MAP4K3: variants seen among roughly 807,000 people sequenced by gnomAD.
MAP4K3 encodes the protein mitogen-activated protein kinase kinase kinase kinase 3, also known as MAPK/ERK kinase kinase kinase 3.
Under a neutral mutation model 143.5 loss-of-function variants are expected in MAP4K3, and 94 were observed. The ratio of observed to expected loss-of-function variants is 0.65; its 90% confidence interval spans 0.55 to 0.78. The LOEUF (loss-of-function observed/expected upper bound fraction) is 0.78, where lower values mean the gene tolerates loss of function less well. Ranked by LOEUF, MAP4K3 falls within the 30% of genes least tolerant of loss-of-function variation. MAP4K3 has a pLI of 0.00. For missense variants in MAP4K3, 1,077 were observed against 1,068.1 expected, an observed-to-expected ratio of 1.01 and a Z score of -0.12; for synonymous variants, 416 against 347.2, an observed-to-expected ratio of 1.20 and a Z score of -2.20.
At chr2:39,420,465 G>A (rs147509498) in intron 1 of MAP4K3, among the ~76,000 whole-genome samples, 9 of 152,074 alleles carry the variant, frequency 5.9e-5, no homozygotes, top group Admixed American at 5.9e-4. Context: ...TGCCTAGGCT[G>A]GAGTGCAGTA....
intron 19 of MAP4K3, among the ~76,000 whole-genome samples, 173 bp downstream of exon 19, chr2:39,290,119 A>ATCAACTTCATGATT (rs1681977595): frequency 6.6e-6 from 1 of 150,766 alleles, no homozygotes; most frequent in Non-Finnish European, 1.5e-5. Flanking sequence ...AACACTAAAT[A>ATCAACTTCATGATT]TAAGTTGGGC....
intron 15 of MAP4K3, among the ~76,000 whole-genome samples, chr2:39,307,226 C>T (rs1682742993): frequency 6.6e-6 from 1 of 152,044 alleles, no homozygotes; most frequent in African/African-American, 2.4e-5. Flanking sequence ...GGGCTCTCGC[C>T]AACCACAGTA....
At chr2:39,366,451 C>T (rs78997770) in intron 2 of MAP4K3, among the ~76,000 whole-genome samples, 109 of 152,262 alleles carry the variant, frequency 7.2e-4, no homozygotes, top group Non-Finnish European at 1.4e-3. Context: ...TCTCTTCAGA[C>T]GTAAATGTTT....
At chr2:39,337,143 T>G (rs952326125) in intron 5 of MAP4K3, among the ~76,000 whole-genome samples, 176 bp from the exon 6 acceptor site, 6 of 152,172 alleles carry the variant, frequency 3.9e-5, no homozygotes, top group Non-Finnish European at 7.4e-5. Context: ...AGAAAATGAC[T>G]AATTTTTCTA....
chr2:39,313,088 T>G (rs1025279908), intron 13 of MAP4K3, among the ~76,000 whole-genome samples: 1 of 152,230 alleles, frequency 6.6e-6, no homozygotes, highest in African/African-American at 2.4e-5. Flanking sequence ...GGTATCACTC[T>G]TCTGCTCTCT....
chr2:39,400,775 G>A (rs1394568106), intron 1 of MAP4K3, among the ~76,000 whole-genome samples: 1 of 151,940 alleles, frequency 6.6e-6, no homozygotes, highest in Non-Finnish European at 1.5e-5. Flanking sequence ...TAACTAATGA[G>A]TAATACAGTA....
At chr2:39,340,438 T>G (rs1247854503) in intron 4 of MAP4K3, among the ~76,000 whole-genome samples, 1 of 152,226 alleles carries the variant, frequency 6.6e-6, no homozygotes, top group Non-Finnish European at 1.5e-5. Context: ...CCAGGGTACC[T>G]GAAAACTGCC....
At chr2:39,354,995 A>T (rs1426612539) in intron 3 of MAP4K3, among the ~76,000 whole-genome samples, 1 of 151,968 alleles carries the variant, frequency 6.6e-6, no homozygotes, top group African/African-American at 2.4e-5. Context: ...CTGTAATTTC[A>T]GCATTTTGGA....
At chr2:39,259,150 G>A (rs1032027921) in intron 29 of MAP4K3, among the ~76,000 whole-genome samples, 1 of 151,474 alleles carries the variant, frequency 6.6e-6, no homozygotes, top group East Asian at 1.9e-4. Flanking sequence ...ATGCCACCAT[G>A]TCTGGCTAAT....
intron 5 of MAP4K3, 80 bp downstream of exon 5, chr2:39,337,446 C>G: frequency 1.0e-6 from 1 of 976,114 alleles, no homozygotes; most frequent in Non-Finnish European, 1.6e-6. Context: ...TTAGTTCTTA[C>G]TTTGCTGAAC....
At chr2:39,360,387 A>C (rs891302687) in intron 2 of MAP4K3, among the ~76,000 whole-genome samples, 9 of 152,198 alleles carry the variant, frequency 5.9e-5, no homozygotes, top group Non-Finnish European at 1.0e-4. Flanking sequence ...ATGTTCCCAC[A>C]TCTTTCTGTC....
chr2:39,251,957 A>G lies in MAP4K3; in HGVS notation c.2542-72T>C. ...AATTTTTAATGGGCACTTCATTATA[A>G]TTCAACAGAAAAGAAACATGATCGC... On this transcript the variant is annotated intron_variant, in intron 32 of 33. Transcript: ENST00000263881. 7 of 953,532 alleles carry G rather than the reference A, an allele frequency of 7.3e-6. No individual in the cohort carries two copies. In the South Asian group the frequency reaches 9.5e-5, roughly 13 times the overall value. The allele number at this position is 953,532 out of a possible 1,614,324, so 59.1% of individuals were successfully genotyped here.
At chr2:39,257,896 A>C (rs903944962) in intron 31 of MAP4K3, among the ~76,000 whole-genome samples, 12 of 152,226 alleles carry the variant, frequency 7.9e-5, no homozygotes, top group African/African-American at 2.9e-4. Flanking sequence ...TGTAAGAATG[A>C]AGGCTGATAG....
rs1223491609 is a variant in MAP4K3 at position 39,292,793 on chromosome 2, T to G, written c.1251A>C (p.Gly417=). 1 of 1,613,354 alleles carries G rather than the reference T, an allele frequency of 6.2e-7. No homozygotes were observed. ...CTTACTGTTTAGATTCATCATCATC[T>G]CCTTCATCATCTTCTAAATGTGCGA... ...GHVAHLEDDE[G]DDDESKHSTL... is the part of the protein sequence containing the mutation. Residue 417 remains glycine, a synonymous_variant, in exon 18 of 34, where the codon GGA becomes GGC. Transcript: ENST00000263881.
At chr2:39,343,215 CAA>C (rs1430140339) in intron 4 of MAP4K3, among the ~76,000 whole-genome samples, 171 bp downstream of exon 4, 1 of 152,108 alleles carries the variant, frequency 6.6e-6, no homozygotes, top group East Asian at 1.9e-4. Flanking sequence ...AATTAAAAAG[CAA>C]AGACTCCTCC....
intron 3 of MAP4K3, 47 bp downstream of exon 3, chr2:39,356,202 G>T: frequency 9.2e-7 from 1 of 1,087,002 alleles, no homozygotes; most frequent in Non-Finnish European, 1.4e-6. Context: ...TAATGCATTA[G>T]GTGATGAAAT....
rs570592038 is a variant in MAP4K3, at chr2:39,258,522, C to G, written c.2374G>C (p.Asp792His). ...LERDTILVCL[D>H]CCIKIVNLQG... ...ACATTCATAAATAAAAACTTACAGTCCAAGCATACAAGGATGGTATCTCTC... is the reference window on the plus strand; with the variant it reads ...ACATTCATAAATAAAAACTTACAGTGCAAGCATACAAGGATGGTATCTCTC... The change falls in exon 30 of 34, where the codon GAC becomes CAC. Residue 792 changes from aspartate (D) to histidine (H), a missense_variant. This residue lies in a region of MAP4K3 where 864 missense variants were observed against 801.2 expected (regional missense o/e 1.08). Coordinates refer to ENST00000263881, the MANE Select transcript of MAP4K3 (RefSeq NM_003618.4). 1.2e-6 allele frequency: 2 copies of G among 1,612,920 alleles called. No homozygotes were observed. The highest frequency in any genetic ancestry group is 2.2e-5 in the South Asian group (2 of 91,040).
At chr2:39,317,532 C>T (rs969806531) in intron 12 of MAP4K3, among the ~76,000 whole-genome samples, 10 of 152,022 alleles carry the variant, frequency 6.6e-5, no homozygotes, top group Admixed American at 2.0e-4. Context: ...GATCTAATAT[C>T]CTGAATCTGT....
At chr2:39,263,575 G>A (rs1297016140) in intron 28 of MAP4K3, among the ~76,000 whole-genome samples, 2 of 152,018 alleles carry the variant, frequency 1.3e-5, no homozygotes, top group East Asian at 1.9e-4. Context: ...CACCGCGCCC[G>A]GCCCATATAG....
Sources: allele counts gnomAD v4.1 joint callset (sites outside exome capture counted in the v4.1 genomes callset), GRCh38; gene constraint gnomAD v4.1.1; regional missense constraint gnomAD v4.1.1; transcripts MANE v1.5; gene names NCBI Gene and HGNC (gene_info 2026-07-23, HGNC 2026-07-21).